ULK2: variants seen among roughly 807,000 people sequenced by gnomAD.
The protein encoded by ULK2 is serine/threonine-protein kinase ULK2.
A neutral mutation model predicts 127.5 loss-of-function variants in ULK2; 76 were observed. That is an observed-to-expected ratio of 0.60 (90% confidence interval 0.50 to 0.72). The LOEUF (loss-of-function observed/expected upper bound fraction) is 0.72, where lower values mean the gene tolerates loss of function less well. Among genes scored for constraint, ULK2 ranks in the 30% least tolerant of loss-of-function variants. The pLI is 0.00. For missense variants in ULK2, 1,144 were observed against 1,295.9 expected (o/e 0.88, Z 1.80); for synonymous variants, 452 against 461.9 (o/e 0.98, Z 0.28).
intron 25 of ULK2, among the ~76,000 whole-genome samples, chr17:19,778,181 T>C (rs1334942479): frequency 3.3e-5 from 5 of 152,220 alleles, no homozygotes; most frequent in African/African-American, 9.6e-5. Flanking sequence ...AAGATACTTA[T>C]TGAGCACCTA....
chr17:19,865,920 A>G, intron 1 of ULK2, 92 bp from the exon 2 acceptor site: 1 of 683,832 alleles, frequency 1.5e-6, no homozygotes, highest in Non-Finnish European at 2.5e-6. Context: ...TGGCAAATAA[A>G]TGTACGGCAT....
At chr17:19,794,241 T>C (rs1409078799) in intron 20 of ULK2, among the ~76,000 whole-genome samples, 2 of 152,146 alleles carry the variant, frequency 1.3e-5, no homozygotes, top group African/African-American at 4.8e-5. Context: ...ATGGAGCCAG[T>C]GCCCAGCTAG....
intron 3 of ULK2, among the ~76,000 whole-genome samples, chr17:19,856,691 G>T (rs184903099): frequency 6.6e-6 from 1 of 151,268 alleles, no homozygotes; most frequent in Non-Finnish European, 1.5e-5. Flanking sequence ...CGAGTTTTAC[G>T]GCCGGGTGCA....
intron 3 of ULK2, among the ~76,000 whole-genome samples, chr17:19,855,337 G>T (rs1298375031): frequency 6.6e-6 from 1 of 151,932 alleles, no homozygotes; most frequent in Admixed American, 6.6e-5. Flanking sequence ...CCGGGAGGCA[G>T]AGCTTGCAGT....
chr17:19,818,059 G>A (rs1214717189), intron 12 of ULK2, among the ~76,000 whole-genome samples: 1 of 151,942 alleles, frequency 6.6e-6, no homozygotes, highest in Non-Finnish European at 1.5e-5. Context: ...CCAGCACTTT[G>A]GGCCTGTAAT....
chr17:19,826,372 A>G (rs1420398069), intron 10 of ULK2, among the ~76,000 whole-genome samples, 186 bp from the exon 11 acceptor site: 1 of 152,094 alleles, frequency 6.6e-6, no homozygotes, highest in African/African-American at 2.4e-5. Flanking sequence ...AATTATTTTT[A>G]TAATCATATA....
chr17:19,826,515 A>T (rs1240267316), intron 10 of ULK2, among the ~76,000 whole-genome samples: 1 of 152,218 alleles, frequency 6.6e-6, no homozygotes, highest in East Asian at 1.9e-4. Context: ...ACAGCCCCAC[A>T]GGAGAACTGT....
intron 12 of ULK2, among the ~76,000 whole-genome samples, chr17:19,818,739 T>A (rs1387156818): frequency 6.6e-6 from 1 of 151,640 alleles, no homozygotes; most frequent in African/African-American, 2.4e-5. Context: ...CTTTCTCACA[T>A]CTCAAATCCC....
intron 9 of ULK2, chr17:19,840,568 T>TAA (rs201662392): frequency 2.2e-4 from 41 of 183,612 alleles, no homozygotes; most frequent in South Asian, 4.3e-4. Context: ...ATTAATCATT[T>TAA]AAAAAAAAAA....
At chr17:19,860,587 C>T (rs1415835687) in intron 3 of ULK2, among the ~76,000 whole-genome samples, 3 of 149,516 alleles carry the variant, frequency 2.0e-5, no homozygotes, top group African/African-American at 4.9e-5. Flanking sequence ...TGCAATGGCG[C>T]GATCTCGGCT....
intron 6 of ULK2, 112 bp from the exon 7 acceptor site, chr17:19,845,489 C>T: frequency 1.3e-6 from 1 of 790,930 alleles, no homozygotes; most frequent in Non-Finnish European, 2.1e-6. Flanking sequence ...GAAAAATAAA[C>T]AGCTTATTGA....
At chr17:19,816,518 A>T (rs2040992353) in intron 13 of ULK2, 1 of 311,206 alleles carries the variant, frequency 3.2e-6, no homozygotes, top group African/African-American at 2.1e-5. Flanking sequence ...ATTTGAGATC[A>T]TTTCCTATAA....
At chr17:19,795,760 A>G (rs2087255428) in intron 19 of ULK2, 35 bp from the exon 20 acceptor site, 2 of 1,590,920 alleles carry the variant, frequency 1.3e-6, no homozygotes, top group Non-Finnish European at 1.7e-6. Flanking sequence ...ATAAAGGAAA[A>G]GTATACTTTT....
chr17:19,833,807 T>G (rs977458140), intron 10 of ULK2, among the ~76,000 whole-genome samples: 1 of 152,022 alleles, frequency 6.6e-6, no homozygotes, highest in African/African-American at 2.4e-5. Flanking sequence ...ATGAACAGAC[T>G]CAGCTGTGCG....
Position 19,786,083 on chromosome 17 carries a change from G to A in ULK2, c.2105C>T (p.Pro702Leu), listed in dbSNP as rs1022680609. 37 of 1,559,822 alleles carry A rather than the reference G, an allele frequency of 2.4e-5. No homozygotes were observed. The highest frequency in any genetic ancestry group is 1.7e-4 in the Middle Eastern group (1 of 5,894). ...LNTERPMDIA[P>L]AGACGGVLAP... is the part of the protein sequence containing the mutation. ...CAGAACACCACCACAGGCTCCTGCCGGAGCTACAACAAAAAGTTTATAGAA... is the reference window on the plus strand; with the variant it reads ...CAGAACACCACCACAGGCTCCTGCCAGAGCTACAACAAAAAGTTTATAGAA... The change falls in exon 21 of 27, where the codon CCG becomes CTG. Residue 702 changes from proline (P) to leucine (L), a missense_variant. Physicochemically the swap from Pro to Leu is moderately conservative, Grantham distance 98. Coordinates refer to ENST00000395544, the MANE Select transcript of ULK2 (RefSeq NM_014683.4).
chr17:19,823,420 G>A (rs903237496), intron 12 of ULK2, among the ~76,000 whole-genome samples: 1 of 151,736 alleles, frequency 6.6e-6, no homozygotes, highest in Non-Finnish European at 1.5e-5. Context: ...CCAGTTCAAC[G>A]TCCTCCCTAC....
intron 3 of ULK2, among the ~76,000 whole-genome samples, chr17:19,853,424 C>CACCG (rs2042060305): frequency 6.6e-6 from 1 of 152,072 alleles, no homozygotes; most frequent in African/African-American, 2.4e-5. Flanking sequence ...AAGCATGAGC[C>CACCG]ACCGCACCTG....
intron 17 of ULK2, among the ~76,000 whole-genome samples, chr17:19,798,838 A>G (rs2152385887): frequency 6.6e-6 from 1 of 152,286 alleles, no homozygotes; most frequent in Non-Finnish European, 1.5e-5. Context: ...ATATTATTTT[A>G]TCTGATGCTG....
chr17:19,851,746 C>T (rs1323892812), intron 3 of ULK2, among the ~76,000 whole-genome samples: 1 of 151,906 alleles, frequency 6.6e-6, no homozygotes. Context: ...GCATCTCGGC[C>T]GGGTGCGGTG....
Sources: gnomAD v4.1 joint callset for allele counts (sites outside exome capture counted in the v4.1 genomes callset) on GRCh38, gnomAD v4.1.1 for gene constraint, MANE v1.5 for transcripts, NCBI Gene and HGNC (gene_info 2026-07-23, HGNC 2026-07-21) for gene names.